The following YIPF7 variants were observed in gnomAD, a reference collection of about 807,000 sequenced individuals.
YIPF7 encodes the protein Yip1 domain family member 7.
A neutral mutation model predicts 27.2 loss-of-function variants in YIPF7; 35 were observed. The ratio of observed to expected loss-of-function variants is 1.29; its 90% confidence interval spans 0.98 to 1.70. YIPF7 has a LOEUF of 1.70. Ranked by LOEUF, YIPF7 falls within the 40% of genes most tolerant of loss-of-function variation. The pLI is 0.00. For synonymous variants in YIPF7, 137 were observed against 110.4 expected (o/e 1.24, Z -1.51); for missense variants, 358 against 303.7 (o/e 1.18, Z -1.33).
At chr4:44,628,862 A>G (rs1712767079) in intron 4 of YIPF7, among the ~76,000 whole-genome samples, 2 of 152,202 alleles carry the variant, frequency 1.3e-5, no homozygotes, top group South Asian at 2.1e-4. Flanking sequence ...GAAAACTAAC[A>G]TTTTAGAGGA....
intron 2 of YIPF7, among the ~76,000 whole-genome samples, chr4:44,659,054 T>G (rs9993816): frequency 5.1e-4 from 78 of 151,980 alleles, no homozygotes; most frequent in Non-Finnish European, 9.9e-4. Flanking sequence ...ACACAGTTAC[T>G]GTACTCTCCC....
At chr4:44,648,248 A>C (rs1017170052) in intron 2 of YIPF7, among the ~76,000 whole-genome samples, 1 of 152,114 alleles carries the variant, frequency 6.6e-6, no homozygotes, top group Non-Finnish European at 1.5e-5. Flanking sequence ...TCAGATTTTT[A>C]TGGATTTTTG....
chr4:44,641,525 T>C (rs1713325269), intron 2 of YIPF7, among the ~76,000 whole-genome samples: 1 of 152,216 alleles, frequency 6.6e-6, no homozygotes, highest in African/African-American at 2.4e-5. Context: ...ATAAAAGCCC[T>C]TGGGGTAAAC....
intron 4 of YIPF7, among the ~76,000 whole-genome samples, chr4:44,626,442 C>T (rs1712639100): frequency 6.6e-6 from 1 of 152,162 alleles, no homozygotes; most frequent in Admixed American, 6.5e-5. Flanking sequence ...AACTCTCTTA[C>T]ACCCAAAGGA....
intron 3 of YIPF7, among the ~76,000 whole-genome samples, chr4:44,633,491 T>G (rs1222857259): frequency 6.6e-6 from 1 of 151,960 alleles, no homozygotes; most frequent in Non-Finnish European, 1.5e-5. Flanking sequence ...AAACAACTAT[T>G]GAATAAAAAA....
At chr4:44,646,966 A>G (rs941957810) in intron 2 of YIPF7, among the ~76,000 whole-genome samples, 37 of 152,190 alleles carry the variant, frequency 2.4e-4, no homozygotes, top group African/African-American at 8.2e-4. Flanking sequence ...TGAATAAAAG[A>G]TCAAATCTCT....
chr4:44,626,601 G>A (rs377204089), intron 4 of YIPF7, among the ~76,000 whole-genome samples: 3 of 152,006 alleles, frequency 2.0e-5, no homozygotes, highest in South Asian at 2.1e-4. Flanking sequence ...TTGTTAGTTT[G>A]TCCCGTTTAA....
chr4:44,635,172 T>C (rs879662338), intron 3 of YIPF7, among the ~76,000 whole-genome samples: 2 of 152,218 alleles, frequency 1.3e-5, no homozygotes, highest in Admixed American at 6.5e-5. Flanking sequence ...TGACTATTTC[T>C]GCTTGGTTCT....
chr4:44,652,324 A>G (rs575638437), upstream of YIPF7, among the ~76,000 whole-genome samples: 1 of 152,206 alleles, frequency 6.6e-6, no homozygotes, highest in African/African-American at 2.4e-5. Flanking sequence ...CCTAGCTAAT[A>G]CTATCAATTC....
Position 44,624,784 on chromosome 4 carries a change from T to C in YIPF7, c.427-2A>G. The C allele has an allele frequency of 6.2e-7, 1 of 1,602,760 alleles. No homozygotes were observed. Among genetic ancestry groups the C allele is most frequent in the Non-Finnish European group, 8.5e-7 (1 of 1,175,448 alleles). Reference sequence around the variant, plus strand: ...ATAACCAAACTGAACTTTTCCTGCCTGAAACGACGTGAAGAAAAAACAGTT... The same window carrying C: ...ATAACCAAACTGAACTTTTCCTGCCCGAAACGACGTGAAGAAAAAACAGTT... On this transcript the variant is annotated splice_acceptor_variant, in intron 4 of 5. Coordinates refer to ENST00000415895, the MANE Select transcript of YIPF7 (RefSeq NM_182592.3). LOFTEE classifies it high-confidence loss of function.
In YIPF7 at chr4:44,631,878, G is replaced by A. The variant is rs1176364504; in HGVS notation, c.281-2330C>T. On this transcript the variant is annotated intron_variant, in intron 3 of 5. Transcript: ENST00000415895. Reference sequence around the variant, plus strand: ...AAACTTTATTTTTTAATTTTGGCATGTATGCTAAAAATATGTTTTCAGTAT... The same window carrying A: ...AAACTTTATTTTTTAATTTTGGCATATATGCTAAAAATATGTTTTCAGTAT... Among the ~76,000 whole-genome samples, 4 of 152,196 alleles carry A rather than the reference G, an allele frequency of 2.6e-5. No individual in the cohort carries two copies. In the East Asian group the frequency reaches 7.7e-4, roughly 29 times the overall value.
intron 4 of YIPF7, among the ~76,000 whole-genome samples, 180 bp from the exon 5 acceptor site, chr4:44,624,962 C>G (rs759392379): frequency 2.6e-5 from 4 of 152,118 alleles, no homozygotes; most frequent in Non-Finnish European, 4.4e-5. Flanking sequence ...AATTCAGATT[C>G]TGAAAACAAA....
intron 3 of YIPF7, among the ~76,000 whole-genome samples, chr4:44,633,426 ATTAG>A: frequency 6.6e-6 from 1 of 151,784 alleles, no homozygotes; most frequent in Middle Eastern, 3.4e-3. Flanking sequence ...CAGGAAAAAA[ATTAG>A]TTAAGCAGCA....
intron 2 of YIPF7, among the ~76,000 whole-genome samples, chr4:44,648,273 A>G (rs754097607): frequency 7.2e-5 from 11 of 152,142 alleles, no homozygotes; most frequent in South Asian, 4.1e-4. Context: ...TTTACAGAAC[A>G]CATACTGGTT....
At position 44,651,594 on chromosome 4, in the gene YIPF7, G is replaced by A. The variant is rs1381913222; in HGVS notation, c.-42C>T. On this transcript the variant is annotated 5_prime_UTR_variant, in exon 1 of 6. Transcript: ENST00000415895. ...ATAGAAAGATCCTCCAGTAAATGTA[G>A]CTTTGTGTGAGAAATTTTAAGCAAA... 1.9e-6 allele frequency: 3 copies of A among 1,588,730 alleles called. No homozygotes were observed. Among genetic ancestry groups the A allele is most frequent in the East Asian group, 2.3e-5 (1 of 44,234 alleles).
intron 2 of YIPF7, among the ~76,000 whole-genome samples, chr4:44,639,420 T>A (rs945346397): frequency 2.0e-5 from 3 of 152,186 alleles, no homozygotes; most frequent in Admixed American, 6.5e-5. Flanking sequence ...CCTTGGCTAA[T>A]AAATGTATTC....
chr4:44,647,156 G>A (rs564589351), intron 2 of YIPF7, among the ~76,000 whole-genome samples: 2 of 152,184 alleles, frequency 1.3e-5, no homozygotes, highest in East Asian at 1.9e-4. Context: ...TCTGAAGCAG[G>A]GAAGGCCGTC....
At chr4:44,623,073 A>G (rs1712498214) in intron 5 of YIPF7, among the ~76,000 whole-genome samples, 1 of 152,224 alleles carries the variant, frequency 6.6e-6, no homozygotes, top group Non-Finnish European at 1.5e-5. Context: ...CAGCTCAAGT[A>G]AGGAACACAT....
At chr4:44,645,531 C>A (rs1327915746) in intron 2 of YIPF7, among the ~76,000 whole-genome samples, 5 of 152,148 alleles carry the variant, frequency 3.3e-5, no homozygotes, top group Admixed American at 6.6e-5. Flanking sequence ...ACCTCACACA[C>A]AATAAGACTT....
Sources: allele counts gnomAD v4.1 joint callset (sites outside exome capture counted in the v4.1 genomes callset), GRCh38; gene constraint gnomAD v4.1.1; transcripts MANE v1.5; gene names NCBI Gene and HGNC (gene_info 2026-07-23, HGNC 2026-07-21).